Variants in MPRIP observed in about 807,000 individuals in gnomAD.
MPRIP encodes myosin phosphatase Rho interacting protein, also known as myosin phosphatase Rho-interacting protein.
Under a neutral mutation model 234.9 loss-of-function variants are expected in MPRIP, and 59 were observed. The observed-to-expected ratio is 0.25, with a 90% confidence interval of 0.20 to 0.31. The LOEUF (loss-of-function observed/expected upper bound fraction) is 0.31. MPRIP is among the 10% of genes least tolerant of loss of function. MPRIP has a pLI of 1.00. For synonymous variants in MPRIP, 1,144 were observed against 1,263.9 expected (o/e 0.91, Z 2.01); for missense variants, 2,436 against 3,071.0 (o/e 0.79, Z 4.89).
At position 17,171,879 on chromosome 17, in the gene MPRIP, G is replaced by A. The variant is rs373406352; in HGVS notation, c.6472+14G>A. 35 of 1,609,974 alleles carry A rather than the reference G, an allele frequency of 2.2e-5. No individual in the cohort carries two copies. The highest frequency in any genetic ancestry group is 4.0e-5 in the African/African-American group (3 of 74,668). ...CCACCATCTCAGGTTGGGGGGTGGG[G>A]TAACCCTGAGGGCAGGGTGGGTGGC... On this transcript the variant is annotated intron_variant, in intron 17 of 23. Transcript: ENST00000651222.
chr17:17,156,927 T>G (rs2045743364), intron 13 of MPRIP, among the ~76,000 whole-genome samples: 1 of 152,220 alleles, frequency 6.6e-6, no homozygotes, highest in African/African-American at 2.4e-5. Flanking sequence ...GGCAACCATT[T>G]CCTCTTTTCC....
Position 17,126,722 on chromosome 17 carries a change from C to A in MPRIP, c.288C>A (p.Gly96=), listed in dbSNP as rs779220511. The change falls in exon 4 of 24, where the codon GGC becomes GGA. Residue 96 remains glycine (G), a synonymous_variant. Coordinates refer to ENST00000651222, the MANE Select transcript of MPRIP (RefSeq NM_001364716.4). The stretch of plus-strand genomic sequence containing the variant: ...TCCAGCCCACGACCCTTCCTCAGGG[C>A]ACCATCAACATGAACCAGTGCACAG... The part of the protein sequence containing the change: ...LDEMPTTLPQ[G]TINMNQCTDV... The A allele has an allele frequency of 1.3e-5, 21 of 1,613,070 alleles. No homozygotes were observed. Among genetic ancestry groups the A allele is most frequent in the East Asian group, 2.2e-5 (1 of 44,890 alleles).
At chr17:17,101,835 C>T (rs1392519570) in intron 3 of MPRIP, among the ~76,000 whole-genome samples, 1 of 152,182 alleles carries the variant, frequency 6.6e-6, no homozygotes, top group Non-Finnish European at 1.5e-5. Context: ...CTTTCCAGGC[C>T]ATGGGCTGCC....
chr17:17,056,612 AG>A (rs1324186011), intron 1 of MPRIP, among the ~76,000 whole-genome samples: 2 of 148,622 alleles, frequency 1.3e-5, no homozygotes, highest in Admixed American at 6.6e-5. Context: ...CTTGGTTTTG[AG>A]GGGTTTTTTT....
intron 3 of MPRIP, among the ~76,000 whole-genome samples, chr17:17,080,982 G>T (rs1040031307): frequency 6.6e-6 from 1 of 152,100 alleles, no homozygotes; most frequent in South Asian, 2.1e-4. Context: ...GAGCACATAG[G>T]TGGCACTCCC....
intron 19 of MPRIP, among the ~76,000 whole-genome samples, chr17:17,174,296 A>G (rs2046207713): frequency 6.6e-6 from 1 of 152,256 alleles, no homozygotes; most frequent in South Asian, 2.1e-4. Flanking sequence ...AGCTAGAGCA[A>G]CGCTGTACTG....
Position 17,150,140 on chromosome 17 carries a change from G to T in MPRIP, c.1630-4G>T, listed in dbSNP as rs1351008551. The T allele has an allele frequency of 6.2e-7, 1 of 1,612,512 alleles. No homozygotes were observed. Among genetic ancestry groups the T allele is most frequent in the East Asian group, 2.2e-5 (1 of 44,840 alleles). On this transcript the variant is annotated splice_region_variant and splice_polypyrimidine_tract_variant and intron_variant, in intron 11 of 23. Transcript: ENST00000651222. The stretch of plus-strand genomic sequence containing the variant: ...TCTCAAGACATTCTCACTTCCCTCG[G>T]CAGGCAGCCGACTTGGATGGAGAAA...
At chr17:17,105,131 C>T (rs1397158394) in intron 3 of MPRIP, among the ~76,000 whole-genome samples, 2 of 152,208 alleles carry the variant, frequency 1.3e-5, no homozygotes, top group African/African-American at 2.4e-5. Flanking sequence ...CAAGTAGGCA[C>T]TAATTCCATT....
Position 17,181,797 on chromosome 17 carries a change from A to G in MPRIP, c.7206+1709A>G, listed in dbSNP as rs190965197. On this transcript the variant is annotated intron_variant, in intron 23 of 23. Coordinates refer to ENST00000651222, the MANE Select transcript of MPRIP (RefSeq NM_001364716.4). ...CTTCCAGGGAGGCTGTGCAACACCC[A>G]CGGGCCCCTGACAGTAACTCTGTGC... is the stretch of plus-strand genomic sequence containing the variant. 8 of 152,288 alleles carry G rather than the reference A, an allele frequency of 5.3e-5. No homozygotes were observed. The East Asian group carries it at 1.5e-3, about 29-fold the overall frequency. The allele number at this position is 152,288 out of a possible 1,614,324, so 9.4% of individuals were successfully genotyped here.
At chr17:17,158,364 C>A in intron 13 of MPRIP, 68 bp from the exon 14 acceptor site, 1 of 1,390,622 alleles carries the variant, frequency 7.2e-7, no homozygotes, top group Non-Finnish European at 9.7e-7. Flanking sequence ...TCAGCATTGC[C>A]AGCTTCTGCC....
intron 6 of MPRIP, among the ~76,000 whole-genome samples, chr17:17,136,873 G>A (rs895762274): frequency 5.3e-5 from 8 of 152,156 alleles, no homozygotes; most frequent in Non-Finnish European, 8.8e-5. Context: ...GGCAGAAGGA[G>A]GGGAAGGGGT....
chr17:17,161,683 T>G (rs1179908333), intron 15 of MPRIP, among the ~76,000 whole-genome samples: 1 of 152,236 alleles, frequency 6.6e-6, no homozygotes, highest in Non-Finnish European at 1.5e-5. Flanking sequence ...TACCATACAT[T>G]TGCATGTGAT....
chr17:17,127,393 GGTAA>G (rs2090513615), intron 4 of MPRIP, among the ~76,000 whole-genome samples: 2 of 152,240 alleles, frequency 1.3e-5, no homozygotes, highest in Non-Finnish European at 2.9e-5. Flanking sequence ...GGAGAGAATG[GGTAA>G]GTGTCTCACT....
Position 17,167,003 on chromosome 17 carries a change from A to G in MPRIP, c.5412A>G (p.Pro1804=). Reference sequence around the variant, plus strand: ...TAGCGGCTGCCTTACCATCTCTGCCACCTGTGGAATCGCTGAGAGATTGCC... The same window carrying G: ...TAGCGGCTGCCTTACCATCTCTGCCGCCTGTGGAATCGCTGAGAGATTGCC... ...EEIAAALPSL[P]PVESLRDCQK... is the part of the protein sequence containing the mutation. The change falls in exon 16 of 24, where the codon CCA becomes CCG. Residue 1804 remains proline, a synonymous_variant. Transcript: ENST00000651222. The surrounding 1 kb of genome is among the most constrained non-coding windows in gnomAD (Gnocchi z 5.9). 3.1e-6 allele frequency: 4 copies of G among 1,304,232 alleles called. No individual in the cohort carries two copies. Among genetic ancestry groups the G allele is most frequent in the Non-Finnish European group, 4.0e-6 (4 of 988,956 alleles). 80.8% of individuals were successfully genotyped at this position (1,304,232 alleles called of 1,614,324 possible).
In MPRIP at chr17:17,126,717, C is replaced by T. The variant is rs1198625632; in HGVS notation, c.283C>T (p.Gln95Ter). 1 of 1,612,742 alleles carries T rather than the reference C, an allele frequency of 6.2e-7. No homozygotes were observed. The highest frequency in any genetic ancestry group is 8.5e-7 in the Non-Finnish European group (1 of 1,179,342). ...CTTCTTCCAGCCCACGACCCTTCCTCAGGGCACCATCAACATGAACCAGTG... is the reference window on the plus strand; with the variant it reads ...CTTCTTCCAGCCCACGACCCTTCCTTAGGGCACCATCAACATGAACCAGTG... Reference protein sequence around the residue: ...ALDEMPTTLPQGTINMNQCTD... With the variant: ...ALDEMPTTLP The change falls in exon 4 of 24, where the codon CAG becomes TAG. Residue 95 changes from glutamine to a stop codon, truncating the protein, a stop_gained. Transcript: ENST00000651222. LOFTEE classifies it high-confidence loss of function.
At chr17:17,095,771 C>G (rs73277634) in intron 3 of MPRIP, among the ~76,000 whole-genome samples, 10,167 of 152,176 alleles carry the variant, frequency 0.067, 406 homozygotes, top group African/African-American at 0.1. Flanking sequence ...TTCTCCTGCT[C>G]TCAGCCCTGC....
At chr17:17,179,763 A>G (rs1280718406) in intron 22 of MPRIP, among the ~76,000 whole-genome samples, 1 of 152,236 alleles carries the variant, frequency 6.6e-6, no homozygotes, top group Non-Finnish European at 1.5e-5. Flanking sequence ...GTCACAGTGC[A>G]GGAAGCCCTG....
chr17:17,115,078 C>T (rs931713351), intron 3 of MPRIP, among the ~76,000 whole-genome samples: 1 of 152,270 alleles, frequency 6.6e-6, no homozygotes, highest in African/African-American at 2.4e-5. Flanking sequence ...GAGGCCCACA[C>T]TGCATTGTTG....
At chr17:17,147,745 T>C (rs2045509912) in intron 11 of MPRIP, among the ~76,000 whole-genome samples, 1 of 152,202 alleles carries the variant, frequency 6.6e-6, no homozygotes, top group African/African-American at 2.4e-5. Context: ...AACAATTTTG[T>C]TTTTTCCACA....
Sources: allele counts gnomAD v4.1 joint callset (sites outside exome capture counted in the v4.1 genomes callset), GRCh38; gene constraint gnomAD v4.1.1; non-coding constraint Gnocchi (gnomAD v3.1); transcripts MANE v1.5; gene names NCBI Gene and HGNC (gene_info 2026-07-23, HGNC 2026-07-21).